Variants in GSG1L observed in about 807,000 individuals in gnomAD.
The protein encoded by GSG1L is GSG1 like.
GSG1L carries 24 observed loss-of-function variants against 42.1 expected under a neutral mutation model. The observed-to-expected ratio is 0.57, with a 90% CI of 0.41 to 0.80. The LOEUF is 0.80. GSG1L is among the 30% of genes least tolerant of loss of function. GSG1L has a pLI of 0.00. For synonymous variants in GSG1L, 215 were observed against 203.5 expected (o/e 1.06, Z -0.48); for missense variants, 445 against 472.2 (o/e 0.94, Z 0.53).
intron 1 of GSG1L, among the ~76,000 whole-genome samples, chr16:27,979,726 G>GGAAA (rs1305486428): frequency 0.2 from 10,336 of 52,902 alleles, 2,575 homozygotes; most frequent in Middle Eastern, 0.24. Context: ...AAGGAAGGAA[G>GGAAA]GAAAGAAAAA....
intron 3 of GSG1L, among the ~76,000 whole-genome samples, chr16:27,858,219 G>A (rs754870302): frequency 6.6e-4 from 100 of 152,188 alleles, no homozygotes; most frequent in Non-Finnish European, 1.3e-3. Flanking sequence ...GAGGATGAGC[G>A]GCCACCTTGA....
rs371000080 is a variant in GSG1L at position 27,841,032 on chromosome 16, T to C, written c.662+3918A>G. Among the ~76,000 whole-genome samples the C allele has an allele frequency of 3.8e-4, 58 of 152,340 alleles. No individual in the cohort carries two copies. In the East Asian group the frequency reaches 4.2e-3, roughly 11 times the overall value. On this transcript the variant is annotated intron_variant, in intron 4 of 6. Coordinates refer to ENST00000447459, the MANE Select transcript of GSG1L (RefSeq NM_001109763.2). ...AGAACAAATAACAACACATTTTTAC[T>C]AGTTACTATTATTACTACATAATAA...
At chr16:27,951,433 C>A (rs545299713) in intron 2 of GSG1L, among the ~76,000 whole-genome samples, 14 of 152,256 alleles carry the variant, frequency 9.2e-5, no homozygotes, top group African/African-American at 2.6e-4. Context: ...TGTTTCTGGG[C>A]CCTGGACCAC....
At chr16:27,935,109 T>G (rs2084699574) in intron 2 of GSG1L, among the ~76,000 whole-genome samples, 1 of 150,592 alleles carries the variant, frequency 6.6e-6, no homozygotes, top group African/African-American at 2.4e-5. Flanking sequence ...TCCAGGGAGG[T>G]TTCTCCAAGG....
At chr16:27,906,563 C>T (rs1188863147) in intron 2 of GSG1L, among the ~76,000 whole-genome samples, 2 of 152,090 alleles carry the variant, frequency 1.3e-5, no homozygotes, top group African/African-American at 4.8e-5. Flanking sequence ...AGCCCGGGGC[C>T]CTCTGCACCT....
At chr16:27,979,304 G>A (rs1173404714) in intron 1 of GSG1L, among the ~76,000 whole-genome samples, 2 of 151,978 alleles carry the variant, frequency 1.3e-5, no homozygotes, top group Admixed American at 6.6e-5. Context: ...GATAGCTCAC[G>A]CCTGTAATCC....
chr16:28,034,825 A>C (rs1326481742), intron 1 of GSG1L, among the ~76,000 whole-genome samples: 1 of 152,172 alleles, frequency 6.6e-6, no homozygotes, highest in Non-Finnish European at 1.5e-5. Flanking sequence ...ACAAACAAAA[A>C]TGTCTCCAGA....
At chr16:27,896,547 G>C (rs755851445) in intron 2 of GSG1L, among the ~76,000 whole-genome samples, 1 of 152,138 alleles carries the variant, frequency 6.6e-6, no homozygotes, top group Non-Finnish European at 1.5e-5. Flanking sequence ...CCTGCACATG[G>C]ATATTGGAAC....
chr16:27,832,130 CTTTCA>C (rs1446671706), intron 4 of GSG1L, among the ~76,000 whole-genome samples: 2 of 152,044 alleles, frequency 1.3e-5, no homozygotes, highest in Non-Finnish European at 2.9e-5. Flanking sequence ...ATCTTTTTTC[CTTTCA>C]TTTATTTACT....
intron 1 of GSG1L, among the ~76,000 whole-genome samples, chr16:28,025,141 C>A (rs1166126161): frequency 1.3e-5 from 2 of 152,174 alleles, no homozygotes; most frequent in African/African-American, 2.4e-5. Context: ...TCAGCAGTAG[C>A]CTGCATGAGA....
intron 5 of GSG1L, among the ~76,000 whole-genome samples, chr16:27,815,346 T>G (rs1275943448): frequency 6.6e-6 from 1 of 152,182 alleles, no homozygotes; most frequent in Non-Finnish European, 1.5e-5. Context: ...TTGTGTGATG[T>G]ACCTGCTCCC....
At chr16:27,835,321 C>A (rs2083311824) in intron 4 of GSG1L, among the ~76,000 whole-genome samples, 1 of 152,026 alleles carries the variant, frequency 6.6e-6, no homozygotes, top group African/African-American at 2.4e-5. Flanking sequence ...GCTAATCCTG[C>A]TTTCTTTTGA....
chr16:28,006,867 G>A (rs958974752), intron 1 of GSG1L, among the ~76,000 whole-genome samples: 6 of 152,112 alleles, frequency 3.9e-5, no homozygotes, highest in African/African-American at 9.7e-5. Context: ...TGGAGAGGCC[G>A]GCCCACCTGG....
intron 1 of GSG1L, among the ~76,000 whole-genome samples, chr16:27,989,243 C>A (rs1228652173): frequency 1.3e-5 from 2 of 152,022 alleles, no homozygotes; most frequent in Non-Finnish European, 2.9e-5. Flanking sequence ...TATTATTTTG[C>A]AGTCATCCAG....
At chr16:27,912,980 T>G (rs1050551731) in intron 2 of GSG1L, among the ~76,000 whole-genome samples, 3 of 151,322 alleles carry the variant, frequency 2.0e-5, no homozygotes, top group Non-Finnish European at 2.9e-5. Flanking sequence ...TTTTTATTTA[T>G]TTGTGTGTGT....
chr16:27,855,258 A>G (rs1177002834), intron 3 of GSG1L, among the ~76,000 whole-genome samples: 1 of 152,130 alleles, frequency 6.6e-6, no homozygotes, highest in Non-Finnish European at 1.5e-5. Context: ...TTAGGTGTGC[A>G]TTTCACAGGT....
chr16:27,933,765 T>C (rs979250255), intron 2 of GSG1L, among the ~76,000 whole-genome samples: 1 of 151,970 alleles, frequency 6.6e-6, no homozygotes, highest in Non-Finnish European at 1.5e-5. Context: ...TGCCACTATC[T>C]TCTCAAAATG....
At chr16:28,003,758 C>A (rs1205247594) in intron 1 of GSG1L, among the ~76,000 whole-genome samples, 2 of 152,228 alleles carry the variant, frequency 1.3e-5, no homozygotes, top group African/African-American at 4.8e-5. Flanking sequence ...ATCCCCACCC[C>A]CAACCCAACC....
chr16:27,874,441 CTTTTTTTTT>C lies in GSG1L; in HGVS notation c.550+10036_550+10044del, dbSNP rs71140916. Among the ~76,000 whole-genome samples, 37 of 94,470 alleles carry C rather than the reference CTTTTTTTTT, an allele frequency of 3.9e-4. 1 individual carries two copies. The highest frequency in any genetic ancestry group is 1.5e-3 in the South Asian group (4 of 2,638). The allele number at this position is 94,470 out of a possible 152,430, so 62.0% of individuals were successfully genotyped here. On this transcript the variant is annotated intron_variant, in intron 3 of 6. Coordinates refer to ENST00000447459, the MANE Select transcript of GSG1L (RefSeq NM_001109763.2). Reference sequence around the variant, plus strand: ...TCTGGACACTGAAGCACAGGAGAGCCTTTTTTTTTTTTTTTTTTTTTTTTTTTTTGGACA... The same window carrying C: ...TCTGGACACTGAAGCACAGGAGAGCCTTTTTTTTTTTTTTTTTTTTGGACA...
Sources: allele counts gnomAD v4.1 joint callset (sites outside exome capture counted in the v4.1 genomes callset), GRCh38; gene constraint gnomAD v4.1.1; transcripts MANE v1.5; gene names NCBI Gene and HGNC (gene_info 2026-07-23, HGNC 2026-07-21).